The following LPAR1 variants were observed in gnomAD, a reference collection of about 807,000 sequenced individuals.
LPAR1 encodes the protein lysophosphatidic acid receptor 1.
Under a neutral mutation model 23.8 loss-of-function variants are expected in LPAR1, and 5 were observed. The observed-to-expected ratio is 0.21, with a 90% CI of 0.11 to 0.44. LPAR1 has a LOEUF of 0.44. LPAR1 is among the 20% of genes least tolerant of loss of function. The probability of loss-of-function intolerance (pLI) is 0.99; values close to 1 mark genes in which losing one functional copy is unlikely to be tolerated. For synonymous variants in LPAR1, 160 were observed against 164.7 expected (o/e 0.97, Z 0.22); for missense variants, 311 against 482.8 (o/e 0.64, Z 3.33).
intron 2 of LPAR1, among the ~76,000 whole-genome samples, chr9:111,002,697 C>T (rs1216280764): frequency 6.6e-6 from 1 of 152,110 alleles, no homozygotes; most frequent in East Asian, 1.9e-4. Context: ...AACCAAGGGA[C>T]CTAAAACTCC....
chr9:110,991,579 T>TGTTG (rs1554724325), intron 2 of LPAR1, among the ~76,000 whole-genome samples: 2,700 of 73,012 alleles, frequency 0.037, 44 homozygotes, highest in Admixed American at 0.071. Flanking sequence ...TCTGGTTTGT[T>TGTTG]TTGTTGTTGT....
chr9:110,893,013 G>A (rs1023428315), intron 5 of LPAR1, among the ~76,000 whole-genome samples: 1 of 152,152 alleles, frequency 6.6e-6, no homozygotes, highest in African/African-American at 2.4e-5. Context: ...AAGCGCTTTG[G>A]CTTCAGAACT....
chr9:110,942,240 C>T, intron 4 of LPAR1, 72 bp from the exon 5 acceptor site: 1 of 1,351,172 alleles, frequency 7.4e-7, no homozygotes. Context: ...ATAGATAACA[C>T]AAGACTTTTA....
intron 2 of LPAR1, among the ~76,000 whole-genome samples, chr9:111,005,591 G>C (rs1406017978): frequency 7.1e-6 from 1 of 140,608 alleles, no homozygotes; most frequent in Non-Finnish European, 1.5e-5. Flanking sequence ...GAATTGGGAA[G>C]GAGGAAGCAA....
At chr9:110,907,045 T>A (rs192047172) in intron 5 of LPAR1, among the ~76,000 whole-genome samples, 27 of 152,338 alleles carry the variant, frequency 1.8e-4, no homozygotes, top group Admixed American at 3.3e-4. Context: ...ATGCAGCTAA[T>A]TTCAAAAGTT....
intron 2 of LPAR1, among the ~76,000 whole-genome samples, chr9:110,997,191 A>G (rs545701157): frequency 2.4e-4 from 36 of 152,350 alleles, no homozygotes; most frequent in African/African-American, 8.4e-4. Flanking sequence ...GAGTCAATCA[A>G]GAAGCCCATT....
intron 5 of LPAR1, among the ~76,000 whole-genome samples, chr9:110,879,897 A>G (rs1414121282): frequency 6.6e-6 from 1 of 152,190 alleles, no homozygotes; most frequent in Admixed American, 6.5e-5. Flanking sequence ...CTTTGGTTGA[A>G]GGAGGAAACA....
chr9:111,028,944 C>T (rs1188364130), intron 2 of LPAR1, among the ~76,000 whole-genome samples: 1 of 152,114 alleles, frequency 6.6e-6, no homozygotes, highest in African/African-American at 2.4e-5. Context: ...TGGGGTGTTT[C>T]AGGGATTTTT....
At chr9:111,017,290 G>A (rs2097469545) in intron 2 of LPAR1, among the ~76,000 whole-genome samples, 1 of 152,140 alleles carries the variant, frequency 6.6e-6, no homozygotes, top group African/African-American at 2.4e-5. Context: ...TAGGAAAACA[G>A]ACATGCAACT....
At chr9:110,930,915 C>CA (rs1257736099) in intron 5 of LPAR1, among the ~76,000 whole-genome samples, 1 of 150,982 alleles carries the variant, frequency 6.6e-6, no homozygotes, top group East Asian at 1.9e-4. Context: ...AATTCCGTCA[C>CA]AAAAACAAAA....
intron 2 of LPAR1, among the ~76,000 whole-genome samples, chr9:110,993,988 C>CA (rs2096946456): frequency 6.6e-6 from 1 of 152,120 alleles, no homozygotes; most frequent in Non-Finnish European, 1.5e-5. Flanking sequence ...TTGATATTTA[C>CA]AAAGACTCAA....
At chr9:111,014,900 G>A (rs113654524) in intron 2 of LPAR1, among the ~76,000 whole-genome samples, 1,941 of 151,812 alleles carry the variant, frequency 0.013, 44 homozygotes, top group African/African-American at 0.044. Flanking sequence ...ATATGTTGAG[G>A]TCCTAACTCC....
At chr9:110,962,461 C>G (rs1011114837) in intron 4 of LPAR1, among the ~76,000 whole-genome samples, 1 of 152,150 alleles carries the variant, frequency 6.6e-6, no homozygotes, top group Non-Finnish European at 1.5e-5. Context: ...GGTGGAAACT[C>G]ATCTAAGTGC....
At chr9:111,003,599 A>T (rs2097167148) in intron 2 of LPAR1, among the ~76,000 whole-genome samples, 1 of 152,188 alleles carries the variant, frequency 6.6e-6, no homozygotes, top group African/African-American at 2.4e-5. Flanking sequence ...GGAGGGTAAG[A>T]TAAGTACAGT....
chr9:110,900,209 C>G (rs73655661), intron 5 of LPAR1, among the ~76,000 whole-genome samples: 1,528 of 152,272 alleles, frequency 0.01, 20 homozygotes, highest in African/African-American at 0.033. Flanking sequence ...ATTCTTTCTT[C>G]AGGATCCAGG....
intron 2 of LPAR1, among the ~76,000 whole-genome samples, chr9:110,978,198 T>A (rs925592474): frequency 1.3e-5 from 2 of 152,140 alleles, no homozygotes; most frequent in African/African-American, 4.8e-5. Flanking sequence ...GAAAGAAATA[T>A]GAGACCAGAA....
chr9:110,892,223 T>C (rs889257882), intron 5 of LPAR1, among the ~76,000 whole-genome samples: 1 of 152,160 alleles, frequency 6.6e-6, no homozygotes, highest in Non-Finnish European at 1.5e-5. Context: ...ACTATCAATA[T>C]ATGCAACAAC....
intron 5 of LPAR1, 117 bp from the exon 6 acceptor site, chr9:110,875,839 G>A: frequency 1.9e-6 from 1 of 523,978 alleles, no homozygotes. Context: ...ACTGAAGTTG[G>A]AAGCCACCAT....
chr9:110,902,415 A>T (rs1455141714), intron 5 of LPAR1, among the ~76,000 whole-genome samples: 1 of 151,898 alleles, frequency 6.6e-6, no homozygotes, highest in East Asian at 1.9e-4. Context: ...ACGACATCTG[A>T]TGGGTTTATA....
Sources: allele counts gnomAD v4.1 joint callset (sites outside exome capture counted in the v4.1 genomes callset), GRCh38; gene constraint gnomAD v4.1.1; transcripts MANE v1.5; gene names NCBI Gene and HGNC (gene_info 2026-07-23, HGNC 2026-07-21).